The following CLEC16A variants were observed in gnomAD, a reference collection of about 807,000 sequenced individuals.
CLEC16A encodes protein CLEC16A.
A neutral mutation model predicts 109.5 loss-of-function variants in CLEC16A; 51 were observed. The ratio of observed to expected loss-of-function variants is 0.47; its 90% CI spans 0.37 to 0.59. The LOEUF (loss-of-function observed/expected upper bound fraction) is 0.59, where lower values mean the gene tolerates loss of function less well. Among genes scored for constraint, CLEC16A ranks in the 20% least tolerant of loss-of-function variants. The probability of loss-of-function intolerance (pLI) is 0.00; values close to 1 mark genes in which losing one functional copy is unlikely to be tolerated. For missense variants in CLEC16A, 1,339 were observed against 1,394.0 expected (o/e 0.96, Z 0.63); for synonymous variants, 673 against 564.2 (o/e 1.19, Z -2.73).
intron 19 of CLEC16A, among the ~76,000 whole-genome samples, chr16:11,109,939 GA>G (rs1467152615): frequency 6.6e-6 from 1 of 152,158 alleles, no homozygotes; most frequent in Non-Finnish European, 1.5e-5. Context: ...CCCCTGTAAG[GA>G]AAAAGACTTG....
At chr16:11,052,494 C>T (rs1356637363) in intron 18 of CLEC16A, among the ~76,000 whole-genome samples, 4 of 152,192 alleles carry the variant, frequency 2.6e-5, no homozygotes, top group East Asian at 1.9e-4. Context: ...GGTTCTACCT[C>T]GGAAGCCTGG....
At chr16:11,098,456 G>C (rs1380977503) in intron 19 of CLEC16A, among the ~76,000 whole-genome samples, 1 of 152,212 alleles carries the variant, frequency 6.6e-6, no homozygotes, top group Admixed American at 6.5e-5. Flanking sequence ...TTCAAGAACT[G>C]TCAGCCTCTT....
intron 4 of CLEC16A, 112 bp downstream of exon 4, chr16:10,969,421 TCTTATATG>T (rs2042672636): frequency 1.4e-6 from 1 of 692,298 alleles, no homozygotes; most frequent in Non-Finnish European, 2.2e-6. Flanking sequence ...TTTACAAAGC[TCTTATATG>T]CTTGTTATGA....
intron 19 of CLEC16A, among the ~76,000 whole-genome samples, chr16:11,115,282 G>C (rs1465554626): frequency 6.6e-6 from 1 of 152,224 alleles, no homozygotes; most frequent in Non-Finnish European, 1.5e-5. Context: ...AGGATAGAAA[G>C]AGAAAGAAAG....
intron 17 of CLEC16A, chr16:11,048,614 T>A (rs902114973): frequency 6.6e-6 from 1 of 152,212 alleles, no homozygotes; most frequent in African/African-American, 2.4e-5. Context: ...TGTCACTGCA[T>A]GTCTGAGGCT....
At chr16:11,050,878 G>A (rs1336028169) in intron 17 of CLEC16A, among the ~76,000 whole-genome samples, 2 of 152,234 alleles carry the variant, frequency 1.3e-5, no homozygotes, top group Admixed American at 1.3e-4. Context: ...AAGGAAGGAA[G>A]GGGAAACATT....
Position 11,094,317 on chromosome 16 carries a change from C to T in CLEC16A, c.2117-26298C>T, listed in dbSNP as rs2050481200. Among the ~76,000 whole-genome samples, 3 of 152,222 alleles carry T rather than the reference C, an allele frequency of 2.0e-5. No homozygotes were observed. The South Asian group carries it at 6.2e-4, about 32-fold the overall frequency. Reference sequence around the variant, plus strand: ...GAGGCTTGACTCAGAAGCTCTGCGCCTGTCCTGGGCAGGCCGAGCCTGATA... The same window carrying T: ...GAGGCTTGACTCAGAAGCTCTGCGCTTGTCCTGGGCAGGCCGAGCCTGATA... On this transcript the variant is annotated intron_variant, in intron 19 of 23. Transcript: ENST00000409790.
chr16:10,960,923 A>G (rs1370807108), intron 2 of CLEC16A, among the ~76,000 whole-genome samples: 2 of 151,914 alleles, frequency 1.3e-5, no homozygotes, highest in Non-Finnish European at 2.9e-5. Context: ...TTGTTTTTTG[A>G]GCACTTCTTA....
rs573849344 is a variant in CLEC16A at position 10,983,565 on chromosome 16, G to A, written c.1071+574G>A. On this transcript the variant is annotated intron_variant, in intron 10 of 23. Transcript: ENST00000409790. ...TGATCATCAAGCTTTGGACTAAGTA[G>A]CATGTTTGTGGTCTGCAGGAAGGAG... Among the ~76,000 whole-genome samples, 133 of 152,324 alleles carry A rather than the reference G, an allele frequency of 8.7e-4. 1 individual carries two copies. The highest frequency in any genetic ancestry group is 1.6e-3 in the Non-Finnish European group (106 of 68,036).
chr16:11,059,454 G>C (rs1037455799), intron 18 of CLEC16A, among the ~76,000 whole-genome samples: 3 of 152,198 alleles, frequency 2.0e-5, no homozygotes, highest in African/African-American at 7.2e-5. Flanking sequence ...TTAGGAAGTT[G>C]CTCCAAGGTC....
intron 22 of CLEC16A, chr16:11,136,396 C>G (rs1354254665): frequency 2.6e-5 from 4 of 152,216 alleles, no homozygotes; most frequent in Admixed American, 2.0e-4. Flanking sequence ...GTTCATTCAC[C>G]TAAGTGCCCA....
At chr16:10,982,385 G>A (rs754997582) in intron 9 of CLEC16A, among the ~76,000 whole-genome samples, 10 of 152,166 alleles carry the variant, frequency 6.6e-5, no homozygotes, top group Non-Finnish European at 1.3e-4. Flanking sequence ...CAGGGTCAGA[G>A]CTCCCTCCCG....
chr16:11,149,592 G>A (rs1467732776), intron 22 of CLEC16A, among the ~76,000 whole-genome samples: 1 of 152,058 alleles, frequency 6.6e-6, no homozygotes, highest in African/African-American at 2.4e-5. Context: ...AAGAGTTCAA[G>A]ACCAGCCTGA....
intron 16 of CLEC16A, 78 bp downstream of exon 16, chr16:11,044,150 A>G: frequency 2.4e-6 from 3 of 1,232,882 alleles, no homozygotes; most frequent in Non-Finnish European, 3.4e-6. Context: ...TTCTATGCAG[A>G]TAAACGTTAT....
At chr16:11,068,054 A>T (rs2048865258) in intron 19 of CLEC16A, among the ~76,000 whole-genome samples, 1 of 152,160 alleles carries the variant, frequency 6.6e-6, no homozygotes, top group African/African-American at 2.4e-5. Flanking sequence ...TTGCCTGTTT[A>T]AAAGTCAGGC....
intron 22 of CLEC16A, among the ~76,000 whole-genome samples, chr16:11,165,465 C>A (rs2153091439): frequency 6.6e-6 from 1 of 152,292 alleles, no homozygotes; most frequent in South Asian, 2.1e-4. Context: ...GCACTCCAGG[C>A]TGGGCAACAG....
chr16:11,058,176 A>G (rs560518967), intron 18 of CLEC16A, among the ~76,000 whole-genome samples: 1 of 152,332 alleles, frequency 6.6e-6, no homozygotes, highest in East Asian at 1.9e-4. Flanking sequence ...GGCCCGCCTC[A>G]GATTCATGGA....
intron 18 of CLEC16A, among the ~76,000 whole-genome samples, chr16:11,051,845 T>C (rs946556731): frequency 3.3e-5 from 5 of 152,232 alleles, no homozygotes; most frequent in Non-Finnish European, 7.3e-5. Flanking sequence ...TGGCATTCCG[T>C]TGCATCTGGC....
At chr16:11,041,605 A>G (rs1340896814) in intron 14 of CLEC16A, 1 of 152,320 alleles carries the variant, frequency 6.6e-6, no homozygotes, top group Non-Finnish European at 1.5e-5. Context: ...TCTCGAAGTG[A>G]TATTTGTAGA....
Sources: allele counts gnomAD v4.1 joint callset (sites outside exome capture counted in the v4.1 genomes callset), GRCh38; gene constraint gnomAD v4.1.1; transcripts MANE v1.5; gene names NCBI Gene and HGNC (gene_info 2026-07-23, HGNC 2026-07-21).